CSRNP3: variants seen among roughly 807,000 people sequenced by gnomAD.
CSRNP3 encodes the protein cysteine/serine-rich nuclear protein 3.
CSRNP3 carries 12 observed loss-of-function variants against 48.0 expected under a neutral mutation model. That is an observed-to-expected ratio of 0.25 (90% CI 0.16 to 0.41). The LOEUF (loss-of-function observed/expected upper bound fraction) is 0.41. Among genes scored for constraint, CSRNP3 ranks in the 10% least tolerant of loss-of-function variants. The pLI, the probability that CSRNP3 is intolerant of heterozygous loss-of-function variation, is 1.00. For missense variants in CSRNP3, 580 were observed against 724.4 expected (o/e 0.80, Z 2.29); for synonymous variants, 263 against 269.7 (o/e 0.98, Z 0.24).
chr2:165,478,330 CAT>C (rs1683996298), intron 1 of CSRNP3, among the ~76,000 whole-genome samples: 1 of 141,782 alleles, frequency 7.1e-6, no homozygotes, highest in African/African-American at 2.5e-5. Flanking sequence ...TATTCAATTA[CAT>C]ATGTGTTCAT....
intron 2 of CSRNP3, among the ~76,000 whole-genome samples, chr2:165,517,119 C>T (rs1684591673): frequency 6.6e-6 from 1 of 151,804 alleles, no homozygotes; most frequent in Admixed American, 6.6e-5. Flanking sequence ...GGTAATATTA[C>T]CTTGACATAC....
intron 4 of CSRNP3, among the ~76,000 whole-genome samples, chr2:165,595,623 A>G (rs1685797569): frequency 6.6e-6 from 1 of 152,006 alleles, no homozygotes; most frequent in Admixed American, 6.5e-5. Context: ...CTAGATTATG[A>G]TGAGAAGGAG....
At chr2:165,612,212 C>T (rs1242363317) in intron 4 of CSRNP3, among the ~76,000 whole-genome samples, 1 of 152,034 alleles carries the variant, frequency 6.6e-6, no homozygotes, top group Admixed American at 6.6e-5. Context: ...TGTATTATGT[C>T]TATAGTAACA....
At chr2:165,542,490 T>C (rs1684971645) in intron 3 of CSRNP3, among the ~76,000 whole-genome samples, 1 of 152,162 alleles carries the variant, frequency 6.6e-6, no homozygotes, top group Non-Finnish European at 1.5e-5. Flanking sequence ...TAATGTAAAC[T>C]ACTTTTTTAA....
intron 4 of CSRNP3, among the ~76,000 whole-genome samples, chr2:165,606,405 A>G (rs1419277792): frequency 2.0e-5 from 3 of 151,200 alleles, no homozygotes; most frequent in Admixed American, 2.0e-4. Context: ...GAACCTGAGC[A>G]GATAATACAC....
intron 2 of CSRNP3, among the ~76,000 whole-genome samples, chr2:165,501,537 TGCTGAATGGGA>T (rs1684359436): frequency 6.6e-6 from 1 of 152,170 alleles, no homozygotes; most frequent in African/African-American, 2.4e-5. Flanking sequence ...TCCCCCACAT[TGCTGAATGGGA>T]GTAATCAGAA....
chr2:165,667,199 G>GT (rs1687249991), intron 5 of CSRNP3, among the ~76,000 whole-genome samples: 1 of 152,314 alleles, frequency 6.6e-6, no homozygotes, highest in East Asian at 1.9e-4. Flanking sequence ...TAGAGCACTG[G>GT]TTTTCCAACT....
chr2:165,581,269 G>A (rs931391020), intron 3 of CSRNP3, among the ~76,000 whole-genome samples: 1 of 152,184 alleles, frequency 6.6e-6, no homozygotes, highest in East Asian at 1.9e-4. Flanking sequence ...CACAAGTGCA[G>A]GTAACATGGA....
intron 3 of CSRNP3, among the ~76,000 whole-genome samples, chr2:165,552,084 C>A (rs1685103286): frequency 6.6e-6 from 1 of 152,218 alleles, no homozygotes; most frequent in South Asian, 2.1e-4. Flanking sequence ...GGCTGCTGAG[C>A]AGGCCAGTGT....
chr2:165,479,853 C>A (rs1276413379), intron 1 of CSRNP3, among the ~76,000 whole-genome samples: 1 of 151,142 alleles, frequency 6.6e-6, no homozygotes, highest in African/African-American at 2.4e-5. Context: ...CCACTGCACT[C>A]CAGCCTGGGT....
At chr2:165,513,650 G>C (rs1684538263) in intron 2 of CSRNP3, among the ~76,000 whole-genome samples, 1 of 152,170 alleles carries the variant, frequency 6.6e-6, no homozygotes. Context: ...AGTGATCTCA[G>C]TGCTGGCTGG....
intron 6 of CSRNP3, among the ~76,000 whole-genome samples, chr2:165,678,438 A>C (rs1687465686): frequency 6.6e-6 from 1 of 152,118 alleles, no homozygotes; most frequent in Non-Finnish European, 1.5e-5. Flanking sequence ...AAAGCCATGG[A>C]GTGGGTCAGT....
intron 3 of CSRNP3, among the ~76,000 whole-genome samples, chr2:165,562,684 G>C (rs73969299): frequency 0.018 from 2,743 of 152,190 alleles, 77 homozygotes; most frequent in African/African-American, 0.063. Flanking sequence ...TTTTTCAATA[G>C]TGTTGAGCAT....
chr2:165,611,379 G>GTGTGTGTA (rs56146559), intron 4 of CSRNP3, among the ~76,000 whole-genome samples: 53,423 of 150,766 alleles, frequency 0.35, 9,794 homozygotes, highest in Admixed American at 0.46. Flanking sequence ...GTGTGTGTGT[G>GTGTGTGTA]TATATACATA....
intron 3 of CSRNP3, among the ~76,000 whole-genome samples, chr2:165,531,978 C>T (rs1684818648): frequency 1.3e-5 from 2 of 152,052 alleles, no homozygotes; most frequent in Admixed American, 6.6e-5. Flanking sequence ...ATAAATTCCT[C>T]GACACATACA....
intron 4 of CSRNP3, among the ~76,000 whole-genome samples, chr2:165,633,046 G>A (rs750687937): frequency 2.0e-5 from 3 of 152,156 alleles, no homozygotes; most frequent in Admixed American, 6.6e-5. Flanking sequence ...TTTCTGTCAC[G>A]TTAAACTTAG....
chr2:165,534,697 C>T (rs1053240537), intron 3 of CSRNP3, among the ~76,000 whole-genome samples: 3 of 151,492 alleles, frequency 2.0e-5, no homozygotes, highest in Non-Finnish European at 3.0e-5. Context: ...CTAATATACA[C>T]TGACATGGAA....
At chr2:165,634,178 A>G (rs1334654141) in intron 4 of CSRNP3, among the ~76,000 whole-genome samples, 1 of 152,058 alleles carries the variant, frequency 6.6e-6, no homozygotes, top group East Asian at 1.9e-4. Context: ...GTCTCTACTA[A>G]AAATACAAAA....
intron 3 of CSRNP3, among the ~76,000 whole-genome samples, chr2:165,560,375 A>G (rs1323582216): frequency 4.6e-5 from 7 of 152,220 alleles, no homozygotes; most frequent in Non-Finnish European, 7.3e-5. Flanking sequence ...CTGTGTAGGA[A>G]GAGAATTGAT....
Sources: allele counts gnomAD v4.1 joint callset (sites outside exome capture counted in the v4.1 genomes callset), GRCh38; gene constraint gnomAD v4.1.1; transcripts MANE v1.5; gene names NCBI Gene and HGNC (gene_info 2026-07-23, HGNC 2026-07-21).